The following CHN2 variants were observed in gnomAD, a reference collection of about 807,000 sequenced individuals.
CHN2 encodes the protein chimerin 2, also known as beta-chimaerin.
CHN2 carries 35 observed loss-of-function variants against 56.3 expected under a neutral mutation model. The observed-to-expected ratio is 0.62, with a 90% CI of 0.47 to 0.82. The LOEUF (loss-of-function observed/expected upper bound fraction) is 0.82, where lower values mean the gene tolerates loss of function less well. Ranked by LOEUF, CHN2 falls within the 40% of genes least tolerant of loss-of-function variation. The pLI is 0.00. For synonymous variants in CHN2, 210 were observed against 212.8 expected, an observed-to-expected ratio of 0.99 and a Z score of 0.12; for missense variants, 491 against 580.5, an observed-to-expected ratio of 0.85 and a Z score of 1.58.
chr7:29,367,863 G>A (rs1799290256), intron 2 of CHN2, 69 bp from the exon 3 acceptor site: 5 of 1,297,450 alleles, frequency 3.9e-6, no homozygotes, highest in East Asian at 2.6e-5. Flanking sequence ...ATATTTGAAG[G>A]CACGTTGATA....
At chr7:29,266,030 A>G (rs376243983) in intron 1 of CHN2, among the ~76,000 whole-genome samples, 5 of 152,096 alleles carry the variant, frequency 3.3e-5, no homozygotes, top group Admixed American at 6.6e-5. Context: ...CTTCCCCCCA[A>G]AAAAGATCCA....
chr7:29,355,118 G>A (rs10215562), intron 2 of CHN2, among the ~76,000 whole-genome samples: 1,814 of 151,866 alleles, frequency 0.012, 33 homozygotes, highest in African/African-American at 0.038. Flanking sequence ...ACAGGCATGC[G>A]CCACCATGCC....
At chr7:29,223,705 G>T (rs1442573672) in intron 1 of CHN2, among the ~76,000 whole-genome samples, 1 of 151,960 alleles carries the variant, frequency 6.6e-6, no homozygotes, top group Non-Finnish European at 1.5e-5. Context: ...TCCAAGTTGG[G>T]ATTATTACAA....
chr7:29,462,281 C>G (rs1232317599), intron 6 of CHN2, among the ~76,000 whole-genome samples: 2 of 152,210 alleles, frequency 1.3e-5, no homozygotes, highest in African/African-American at 2.4e-5. Context: ...TAGACCATAT[C>G]ACCAAAACCT....
intron 3 of CHN2, among the ~76,000 whole-genome samples, chr7:29,391,472 A>T (rs922459901): frequency 6.6e-6 from 1 of 152,184 alleles, no homozygotes; most frequent in African/African-American, 2.4e-5. Context: ...ACAAGGAATC[A>T]TGTATTAGTA....
chr7:29,242,278 C>T (rs1787745346), intron 1 of CHN2, among the ~76,000 whole-genome samples: 1 of 152,196 alleles, frequency 6.6e-6, no homozygotes, highest in Non-Finnish European at 1.5e-5. Flanking sequence ...AGCAAACCTC[C>T]AGCAACCAGA....
intron 2 of CHN2, among the ~76,000 whole-genome samples, chr7:29,157,588 A>G (rs932247440): frequency 6.6e-6 from 1 of 152,216 alleles, no homozygotes; most frequent in Admixed American, 6.5e-5. Context: ...CCTATGGAAA[A>G]TTGACTATGA....
intron 6 of CHN2, among the ~76,000 whole-genome samples, chr7:29,429,910 C>T (rs542784059): frequency 2.6e-5 from 4 of 152,280 alleles, no homozygotes; most frequent in East Asian, 1.9e-4. Flanking sequence ...GCTATATCTT[C>T]GATTTCATAT....
At chr7:29,299,099 C>A (rs1159351730) in intron 1 of CHN2, among the ~76,000 whole-genome samples, 1 of 152,196 alleles carries the variant, frequency 6.6e-6, no homozygotes, top group African/African-American at 2.4e-5. Context: ...TCCTGCCTCA[C>A]AGATTGAATC....
chr7:29,349,600 A>G (rs1797722515), intron 1 of CHN2, among the ~76,000 whole-genome samples: 1 of 152,184 alleles, frequency 6.6e-6, no homozygotes, highest in African/African-American at 2.4e-5. Context: ...CATCTTGTTC[A>G]TCTATATCTT....
At position 29,340,558 on chromosome 7, in the gene CHN2, C is replaced by T. The variant is rs57883172; in HGVS notation, c.50-14067C>T. Among the ~76,000 whole-genome samples, 801 of 152,344 alleles carry T rather than the reference C, an allele frequency of 5.3e-3. 4 individuals are homozygous for T. The highest frequency in any genetic ancestry group is 0.018 in the African/African-American group (765 of 41,572). Reference sequence around the variant, plus strand: ...GAGCCCCCAAATTAAGCAGGTTTAACTGTCCTCCAGGTGCTGCAGAGCTAG... The same window carrying T: ...GAGCCCCCAAATTAAGCAGGTTTAATTGTCCTCCAGGTGCTGCAGAGCTAG... On this transcript the variant is annotated intron_variant, in intron 1 of 12. Transcript: ENST00000222792.
intron 2 of CHN2, among the ~76,000 whole-genome samples, chr7:29,361,905 C>T (rs542501069): frequency 7.2e-4 from 109 of 152,354 alleles, no homozygotes; most frequent in African/African-American, 2.3e-3. Flanking sequence ...CTCACACTTT[C>T]ACAACCTCAT....
chr7:29,204,063 CTCTCTGTGTGTG>C (rs1562828254), intron 1 of CHN2, among the ~76,000 whole-genome samples: 5 of 108,938 alleles, frequency 4.6e-5, no homozygotes, highest in Admixed American at 1.0e-4. Flanking sequence ...GTTTTTCTCT[CTCTCTGTGTGTG>C]TGTGTGTGTG....
At chr7:29,174,956 A>T (rs1430470667) in intron 2 of CHN2, among the ~76,000 whole-genome samples, 4 of 152,154 alleles carry the variant, frequency 2.6e-5, no homozygotes, top group African/African-American at 9.7e-5. Flanking sequence ...AATGAAAAAT[A>T]TAAAAATTGT....
chr7:29,215,041 A>G (rs1309457163), intron 1 of CHN2, among the ~76,000 whole-genome samples: 3 of 152,146 alleles, frequency 2.0e-5, no homozygotes, highest in African/African-American at 4.8e-5. Context: ...CTTCTTGGAA[A>G]CTTTTTTTTG....
At position 29,293,928 on chromosome 7, in the gene CHN2, G is replaced by A. The variant is rs188926463; in HGVS notation, c.50-60697G>A. The stretch of plus-strand genomic sequence containing the variant: ...GTCGCCCAGGCTGGACTGCAGCGGC[G>A]CGATCTCGGCTCACTGCAAGCTCCG... On this transcript the variant is annotated intron_variant, in intron 1 of 12. Coordinates refer to ENST00000222792, the MANE Select transcript of CHN2 (RefSeq NM_004067.4). 9.9e-5 allele frequency among the ~76,000 whole-genome samples: 14 copies of A among 141,082 alleles called. 1 individual carries two copies. The highest frequency in any genetic ancestry group is 6.7e-4 in the Admixed American group (9 of 13,406). 92.6% of individuals were successfully genotyped at this position (141,082 alleles called of 152,430 possible). A position where few individuals can be genotyped will look rare whatever the true frequency, so the allele number is the denominator to read the frequency against.
At chr7:29,177,515 C>G (rs958515062) in intron 2 of CHN2, among the ~76,000 whole-genome samples, 7 of 151,372 alleles carry the variant, frequency 4.6e-5, no homozygotes, top group Non-Finnish European at 1.0e-4. Flanking sequence ...TGGCCTCCCA[C>G]AGTGCTGGGA....
chr7:29,400,858 C>T (rs1802143872), intron 6 of CHN2, 30 bp downstream of exon 6: 15 of 1,603,660 alleles, frequency 9.4e-6, no homozygotes, highest in Middle Eastern at 1.7e-4. Flanking sequence ...AGCAGCCTTT[C>T]GTTTTAATCC....
chr7:29,398,440 C>T lies in CHN2; in HGVS notation c.244C>T (p.Leu82Phe). ...TGGAGGCGTGGAGGGTGCCTACATC[C>T]TTAGAGAAAGCCAGCGGCAACCAGG... is the stretch of plus-strand genomic sequence containing the variant. ...LLGGVEGAYI[L>F]RESQRQPGCY... Residue 82 changes from leucine to phenylalanine, a missense_variant, in exon 5 of 13, where the codon CTT becomes TTT. Leu to Phe is a conservative substitution (Grantham distance 22, BLOSUM62 0). Coordinates refer to ENST00000222792, the MANE Select transcript of CHN2 (RefSeq NM_004067.4). The T allele has an allele frequency of 6.2e-7, 1 of 1,613,700 alleles. No individual in the cohort carries two copies. The highest frequency in any genetic ancestry group is 2.2e-5 in the East Asian group (1 of 44,878).
Sources: gnomAD v4.1 joint callset for allele counts (sites outside exome capture counted in the v4.1 genomes callset) on GRCh38, gnomAD v4.1.1 for gene constraint, MANE v1.5 for transcripts, NCBI Gene and HGNC (gene_info 2026-07-23, HGNC 2026-07-21) for gene names.